The following EIF2S3B variants were observed in gnomAD, a reference collection of about 807,000 sequenced individuals.
EIF2S3B encodes eukaryotic translation initiation factor 2 subunit 3B.
EIF2S3B carries 16 observed loss-of-function variants against 26.4 expected under a neutral mutation model. The observed-to-expected ratio is 0.61, with a 90% CI of 0.41 to 0.92. The LOEUF (loss-of-function observed/expected upper bound fraction) is 0.92, where lower values mean the gene tolerates loss of function less well. Among genes scored for constraint, EIF2S3B ranks in the 40% least tolerant of loss-of-function variants. The pLI, the probability that EIF2S3B is intolerant of heterozygous loss-of-function variation, is 0.00. For synonymous variants in EIF2S3B, 183 were observed against 204.4 expected (o/e 0.90, Z 0.89); for missense variants, 510 against 575.5 (o/e 0.89, Z 1.16).
In EIF2S3B at chr12:10,507,169, G is replaced by A. The variant is rs763797430; in HGVS notation, c.1267G>A (p.Asp423Asn). ...TGGRVSAVKA[D>N]LGKIVLTNPV... is the part of the protein sequence containing the mutation. ...AGGGAGAGTTAGTGCTGTCAAGGCC[G>A]ATTTGGGCAAAATTGTTTTGACCAA... Residue 423 changes from aspartate (D) to asparagine (N), a missense_variant, in exon 1 of 1, where the codon GAT becomes AAT. Transcript: ENST00000538173. 2.5e-6 allele frequency: 4 copies of A among 1,613,766 alleles called. No individual in the cohort carries two copies. The highest frequency in any genetic ancestry group is 2.5e-6 in the Non-Finnish European group (3 of 1,179,774).
chr12:10,509,218 C>T (rs1864681941), downstream of EIF2S3B, among the ~76,000 whole-genome samples: 1 of 151,958 alleles, frequency 6.6e-6, no homozygotes, highest in African/African-American at 2.4e-5. Context: ...TTAATTCTGC[C>T]TATTCCTCCA....
intron 1 of EIF2S3B, among the ~76,000 whole-genome samples, chr12:10,520,007 T>C (rs1864812729): frequency 2.0e-5 from 3 of 151,650 alleles, no homozygotes; most frequent in Non-Finnish European, 4.4e-5. Flanking sequence ...ATCCCATTAC[T>C]GGGTATATAC....
At chr12:10,520,510 TAATAATAA>T (rs987632082) in intron 1 of EIF2S3B, among the ~76,000 whole-genome samples, 30 of 151,966 alleles carry the variant, frequency 2.0e-4, no homozygotes, top group African/African-American at 7.0e-4. Context: ...TAAAGTATAA[TAATAATAA>T]AATAAAATTT....
downstream of EIF2S3B, among the ~76,000 whole-genome samples, chr12:10,512,285 C>A (rs1416723287): frequency 6.6e-6 from 1 of 151,756 alleles, no homozygotes; most frequent in Non-Finnish European, 1.5e-5. Flanking sequence ...ACAGTCAGCT[C>A]TGGAACATTC....
downstream of EIF2S3B, among the ~76,000 whole-genome samples, chr12:10,509,400 G>C (rs1864684389): frequency 6.6e-6 from 1 of 151,798 alleles, no homozygotes; most frequent in African/African-American, 2.4e-5. Context: ...ATTTTTACCA[G>C]AGTTAGAGTT....
At chr12:10,514,621 T>G (rs2137949998) in intron 1 of EIF2S3B, among the ~76,000 whole-genome samples, 1 of 152,316 alleles carries the variant, frequency 6.6e-6, no homozygotes, top group East Asian at 1.9e-4. Context: ...CATAGTTTAA[T>G]GTTCTTCTTG....
At chr12:10,516,927 A>G (rs1404113350) in intron 1 of EIF2S3B, among the ~76,000 whole-genome samples, 2 of 150,458 alleles carry the variant, frequency 1.3e-5, no homozygotes, top group Admixed American at 6.6e-5. Flanking sequence ...TGATTTGCGT[A>G]TATTGAACCA....
At chr12:10,509,585 T>C (rs1028043705), downstream of EIF2S3B, among the ~76,000 whole-genome samples, 8 of 152,056 alleles carry the variant, frequency 5.3e-5, no homozygotes, top group Non-Finnish European at 1.2e-4. Flanking sequence ...GAATGTATAC[T>C]ATGCCTCTAT....
At chr12:10,519,345 T>C (rs914424903) in intron 1 of EIF2S3B, among the ~76,000 whole-genome samples, 7 of 151,764 alleles carry the variant, frequency 4.6e-5, no homozygotes, top group Non-Finnish European at 8.8e-5. Context: ...TTACACCTTA[T>C]ACAAAAATTA....
downstream of EIF2S3B, among the ~76,000 whole-genome samples, chr12:10,508,838 A>G (rs535172160): frequency 2.6e-5 from 4 of 152,122 alleles, no homozygotes; most frequent in South Asian, 8.3e-4. Flanking sequence ...ATTTAAGTAT[A>G]AAAACTTGCG....
At chr12:10,521,284 G>C (rs1864829037) in intron 1 of EIF2S3B, among the ~76,000 whole-genome samples, 1 of 151,958 alleles carries the variant, frequency 6.6e-6, no homozygotes, top group South Asian at 2.1e-4. Flanking sequence ...TTAGAGAATG[G>C]GAAAAATGAA....
Position 10,506,465 on chromosome 12 carries a change from T to C in EIF2S3B, c.563T>C (p.Leu188Pro), listed in dbSNP as rs909444754. ...ATGAAACTGAAGCATATTTTGATTC[T>C]ACAAAATAAAATTGATTTGGTAAAA... ...EIMKLKHILI[L>P]QNKIDLVKER... The change falls in exon 1 of 1, where the codon CTA (leucine) becomes CCA (proline). Residue 188 changes from leucine to proline, a missense_variant. Coordinates refer to ENST00000538173, the MANE Select transcript of EIF2S3B (RefSeq NM_001357734.3). 15 of 1,610,080 alleles carry C rather than the reference T, an allele frequency of 9.3e-6. No homozygotes were observed. The highest frequency in any genetic ancestry group is 2.2e-5 in the South Asian group (2 of 90,978).
At chr12:10,512,864 T>C (rs1486105473), downstream of EIF2S3B, among the ~76,000 whole-genome samples, 1 of 152,216 alleles carries the variant, frequency 6.6e-6, no homozygotes, top group Non-Finnish European at 1.5e-5. Context: ...TCCTGCTCTT[T>C]AAAACAGAGT....
intron 1 of EIF2S3B, among the ~76,000 whole-genome samples, chr12:10,521,263 T>G (rs773685164): frequency 8.5e-5 from 13 of 152,110 alleles, no homozygotes; most frequent in Non-Finnish European, 1.6e-4. Context: ...TTTAACTGGA[T>G]CTCATGAATC....
intron 1 of EIF2S3B, among the ~76,000 whole-genome samples, chr12:10,520,417 G>A (rs61913094): frequency 0.25 from 35,572 of 144,976 alleles, 5,089 homozygotes; most frequent in East Asian, 0.67. Flanking sequence ...GCTAAATGAC[G>A]AGTTAATGGG....
In EIF2S3B at chr12:10,517,362, TTATC is replaced by T. The variant is rs1199292281; in HGVS notation, c.1309-5240_1309-5237del. 1.3e-4 allele frequency among the ~76,000 whole-genome samples: 20 copies of T among 150,606 alleles called. No individual in the cohort carries two copies. In the South Asian group the frequency reaches 2.6e-3, roughly 19 times the overall value. On this transcript the variant is annotated intron_variant, in intron 1 of 1. Transcript: ENST00000322446. Reference sequence around the variant, plus strand: ...TGGGAGGGTGTATGTGTCGAGGAATTTATCCATTTCTTCTAGATTTTCTAGTTTA... The same window carrying T: ...TGGGAGGGTGTATGTGTCGAGGAATTCATTTCTTCTAGATTTTCTAGTTTA...
chr12:10,522,858 C>A (rs1423056050), exon 2 of EIF2S3B: 3 of 506,304 alleles, frequency 5.9e-6, no homozygotes, highest in Non-Finnish European at 1.1e-5. Context: ...TGTTTACAGC[C>A]AGCCCTACAC....
intron 1 of EIF2S3B, among the ~76,000 whole-genome samples, chr12:10,517,987 A>G (rs1182852416): frequency 2.0e-5 from 3 of 151,538 alleles, no homozygotes; most frequent in Admixed American, 6.6e-5. Context: ...AGTTTGTTAT[A>G]ATTTCTGTTC....
intron 1 of EIF2S3B, among the ~76,000 whole-genome samples, chr12:10,515,945 GTGTT>G (rs1565528612): frequency 6.6e-6 from 1 of 150,628 alleles, no homozygotes; most frequent in Non-Finnish European, 1.5e-5. Context: ...TATAAAATAA[GTGTT>G]AGTATACATA....
Sources: allele counts gnomAD v4.1 joint callset (sites outside exome capture counted in the v4.1 genomes callset), GRCh38; gene constraint gnomAD v4.1.1; transcripts MANE v1.5; gene names NCBI Gene and HGNC (gene_info 2026-07-23, HGNC 2026-07-21).